Variants in GPRIN3 observed in about 807,000 individuals in gnomAD.
GPRIN3 encodes the protein G protein-regulated inducer of neurite outgrowth 3.
A neutral mutation model predicts 13.7 loss-of-function variants in GPRIN3; 12 were observed. That is an observed-to-expected ratio of 0.87 (90% confidence interval 0.56 to 1.42). The LOEUF (loss-of-function observed/expected upper bound fraction) is 1.42, where lower values mean the gene tolerates loss of function less well. Among genes scored for constraint, GPRIN3 ranks in the 40% most tolerant of loss-of-function variants. GPRIN3 has a pLI of 0.00. For missense variants in GPRIN3, 1,009 were observed against 958.7 expected (o/e 1.05, Z -0.69); for synonymous variants, 377 against 372.7 (o/e 1.01, Z -0.13).
chr4:89,264,412 T>G (rs1358874125), intron 1 of GPRIN3, among the ~76,000 whole-genome samples: 1 of 152,194 alleles, frequency 6.6e-6, no homozygotes, highest in Non-Finnish European at 1.5e-5. Context: ...CCTGCAGAAC[T>G]GTGAGTGAAA....
rs375872635 is a variant in GPRIN3, at chr4:89,249,772, C to T, written c.339G>A (p.Pro113=). The stretch of plus-strand genomic sequence containing the variant: ...TAAGATCCCTTCCTGCTGCAGAACT[C>T]GGGGCTGATGCTGCGGGCTGGCTGC... The part of the protein sequence containing the change: ...PGSSQPAASA[P]SSAAGRDLIH... Residue 113 remains proline (P), a synonymous_variant, in exon 2 of 2, where the codon CCG becomes CCA. Transcript: ENST00000609438. 4.2e-5 allele frequency: 68 copies of T among 1,614,020 alleles called. No homozygotes were observed. The highest frequency in any genetic ancestry group is 6.7e-5 in the East Asian group (3 of 44,882).
At position 89,249,953 on chromosome 4, in the gene GPRIN3, T is replaced by C. The variant is rs1159221659; in HGVS notation, c.158A>G (p.Glu53Gly). ...AGCTGCCCTGGGGCTGAGGTCTGGT[T>C]CTGCAGGGGCACCTGAAAAGCCATT... ...NANGFSGAPAEPDLSPRAAAE... is the reference protein window; with the variant it reads ...NANGFSGAPAGPDLSPRAAAE... The change falls in exon 2 of 2, where the codon GAA becomes GGA. Residue 53 changes from glutamate to glycine, a missense_variant. Physicochemically the swap from Glu to Gly is moderately conservative, Grantham distance 98. Transcript: ENST00000609438. 2 of 1,614,216 alleles carry C rather than the reference T, an allele frequency of 1.2e-6. No individual in the cohort carries two copies. The highest frequency in any genetic ancestry group is 1.7e-5 in the Admixed American group (1 of 60,030).
rs554365775 is a variant in GPRIN3 at position 89,248,013 on chromosome 4, A to G, written c.2098T>C (p.Leu700=). ...GCGATTCCCAGGGACTCTGCGTCCA[A>G]GGATGCACCATACACTTCCCAGGTC... The part of the protein sequence containing the change: ...GMTWEVYGAS[L]DAESLGIAIQ... Residue 700 remains leucine, a synonymous_variant, in exon 2 of 2, where the codon TTG becomes CTG. Coordinates refer to ENST00000609438, the MANE Select transcript of GPRIN3 (RefSeq NM_198281.3). 3 of 1,614,082 alleles carry G rather than the reference A, an allele frequency of 1.9e-6. No homozygotes were observed. Among genetic ancestry groups the G allele is most frequent in the East Asian group, 2.2e-5 (1 of 44,862 alleles).
chr4:89,283,847 C>A (rs1314974969), intron 1 of GPRIN3, among the ~76,000 whole-genome samples: 1 of 152,096 alleles, frequency 6.6e-6, no homozygotes, highest in Admixed American at 6.6e-5. Context: ...GTTGGCATGG[C>A]TGCAGCTCCG....
intron 1 of GPRIN3, among the ~76,000 whole-genome samples, chr4:89,286,870 A>G (rs922728154): frequency 6.6e-6 from 1 of 152,222 alleles, no homozygotes; most frequent in Non-Finnish European, 1.5e-5. Context: ...ATGTGCCTGT[A>G]TTCCCAGGTA....
chr4:89,273,790 C>A (rs941057207), intron 1 of GPRIN3, among the ~76,000 whole-genome samples: 3 of 152,202 alleles, frequency 2.0e-5, no homozygotes, highest in Non-Finnish European at 4.4e-5. Flanking sequence ...TATGACCTCA[C>A]GAACCTCCTG....
intron 1 of GPRIN3, among the ~76,000 whole-genome samples, chr4:89,285,222 G>C (rs967213973): frequency 2.6e-5 from 4 of 151,860 alleles, no homozygotes; most frequent in African/African-American, 2.4e-5. Context: ...CAGGGGGCGG[G>C]GGAGGGACAA....
rs1408829541 is a variant in GPRIN3, at chr4:89,243,476, T to C, written c.*4304A>G. The C allele has an allele frequency of 2.6e-5, 4 of 152,130 alleles. No homozygotes were observed. Among genetic ancestry groups the C allele is most frequent in the Non-Finnish European group, 5.9e-5 (4 of 68,020 alleles). 9.4% of individuals were successfully genotyped at this position (152,130 alleles called of 1,614,324 possible). A position where few individuals can be genotyped will look rare whatever the true frequency, so the allele number is the denominator to read the frequency against. Reference sequence around the variant, plus strand: ...GGGCCACGCACAACATCAGGAAGCATTGCTAACAGAAAACAAAATGCTCAG... The same window carrying C: ...GGGCCACGCACAACATCAGGAAGCACTGCTAACAGAAAACAAAATGCTCAG... On this transcript the variant is annotated 3_prime_UTR_variant, in exon 2 of 2. Coordinates refer to ENST00000609438, the MANE Select transcript of GPRIN3 (RefSeq NM_198281.3).
intron 1 of GPRIN3, among the ~76,000 whole-genome samples, chr4:89,265,175 G>A (rs1205155178): frequency 6.6e-6 from 1 of 152,064 alleles, no homozygotes; most frequent in Non-Finnish European, 1.5e-5. Context: ...TAGTTCAAAT[G>A]CTAAGCAATA....
intron 1 of GPRIN3, among the ~76,000 whole-genome samples, chr4:89,264,943 T>C (rs987467398): frequency 6.6e-6 from 1 of 152,212 alleles, no homozygotes; most frequent in African/African-American, 2.4e-5. Context: ...TGCTCATTGA[T>C]ACCCTAAGTG....
At chr4:89,257,867 A>T (rs1163795706) in intron 1 of GPRIN3, among the ~76,000 whole-genome samples, 1 of 152,128 alleles carries the variant, frequency 6.6e-6, no homozygotes, top group Non-Finnish European at 1.5e-5. Context: ...GAAATCCGAT[A>T]CAGAAATCTT....
chr4:89,279,412 T>C (rs900956201), intron 1 of GPRIN3, among the ~76,000 whole-genome samples: 1 of 152,132 alleles, frequency 6.6e-6, no homozygotes, highest in Non-Finnish European at 1.5e-5. Flanking sequence ...TGCTCAAGCC[T>C]CTATCATCAG....
chr4:89,260,499 G>A (rs1328526926), intron 1 of GPRIN3, among the ~76,000 whole-genome samples: 2 of 152,184 alleles, frequency 1.3e-5, no homozygotes, highest in Non-Finnish European at 2.9e-5. Flanking sequence ...GTTAGGCATC[G>A]CGAGTACATA....
rs1306992853 is a variant in GPRIN3 at position 89,239,236 on chromosome 4, A to T, written c.*8544T>A. 1 of 152,262 alleles carries T rather than the reference A, an allele frequency of 6.6e-6. No individual in the cohort carries two copies. Among genetic ancestry groups the T allele is most frequent in the African/African-American group, 2.4e-5 (1 of 41,560 alleles). 9.4% of individuals were successfully genotyped at this position (152,262 alleles called of 1,614,324 possible). A position where few individuals can be genotyped will look rare whatever the true frequency, so the allele number is the denominator to read the frequency against. ...TGAATATTTTTTCTTGTAATATTAT[A>T]CCACACTTTTGATCTTTCTTAGTTG... On this transcript the variant is annotated 3_prime_UTR_variant, in exon 2 of 2. Transcript: ENST00000609438.
intron 1 of GPRIN3, among the ~76,000 whole-genome samples, chr4:89,276,501 G>T (rs1009456102): frequency 6.6e-6 from 1 of 152,124 alleles, no homozygotes; most frequent in African/African-American, 2.4e-5. Context: ...GACACCATCA[G>T]CAATTTCTTT....
rs1722809049 is a variant in GPRIN3, at chr4:89,237,009, T to C, written c.*10771A>G. 1 of 152,186 alleles carries C rather than the reference T, an allele frequency of 6.6e-6. No homozygotes were observed. Among genetic ancestry groups the C allele is most frequent in the Non-Finnish European group, 1.5e-5 (1 of 68,048 alleles). 9.4% of individuals were successfully genotyped at this position (152,186 alleles called of 1,614,324 possible). A position where few individuals can be genotyped will look rare whatever the true frequency, so the allele number is the denominator to read the frequency against. ...AAACACCTATAATAATCTTTGGCAA[T>C]GACATTCTGCTTATTATTATTTTTA... is the stretch of plus-strand genomic sequence containing the variant. On this transcript the variant is annotated 3_prime_UTR_variant, in exon 2 of 2. Coordinates refer to ENST00000609438, the MANE Select transcript of GPRIN3 (RefSeq NM_198281.3).
intron 1 of GPRIN3, among the ~76,000 whole-genome samples, chr4:89,298,699 C>T (rs1209876830): frequency 6.6e-6 from 1 of 151,712 alleles, no homozygotes; most frequent in Admixed American, 6.6e-5. Context: ...CTCAAGTGCT[C>T]GATACAGATT....
At chr4:89,263,519 C>T (rs1171603302) in intron 1 of GPRIN3, among the ~76,000 whole-genome samples, 1 of 152,190 alleles carries the variant, frequency 6.6e-6, no homozygotes, top group Non-Finnish European at 1.5e-5. Context: ...GCAGGAAGCA[C>T]TGTAGCAGGG....
chr4:89,263,961 A>G (rs1723715101), intron 1 of GPRIN3, among the ~76,000 whole-genome samples: 1 of 152,214 alleles, frequency 6.6e-6, no homozygotes, highest in Non-Finnish European at 1.5e-5. Context: ...GCATTTTTGA[A>G]AGGTAATTTT....
Sources: gnomAD v4.1 joint callset for allele counts (sites outside exome capture counted in the v4.1 genomes callset) on GRCh38, gnomAD v4.1.1 for gene constraint, MANE v1.5 for transcripts, NCBI Gene and HGNC (gene_info 2026-07-23, HGNC 2026-07-21) for gene names.